Variants in FGFR4 observed in about 807,000 individuals in gnomAD.
The protein encoded by FGFR4 is fibroblast growth factor receptor 4.
In FGFR4, 63 loss-of-function variants were observed where a neutral mutation model predicts 89.9. The observed-to-expected ratio is 0.70, with a 90% CI of 0.57 to 0.86. The LOEUF is 0.86. Ranked by LOEUF, FGFR4 falls within the 40% of genes least tolerant of loss-of-function variation. The pLI is 0.00. For synonymous variants in FGFR4, 486 were observed against 479.4 expected (o/e 1.01, Z -0.18); for missense variants, 928 against 1,106.7 (o/e 0.84, Z 2.29).
At chr5:177,092,856 G>A (rs1159922788) in intron 8 of FGFR4, 72 bp downstream of exon 8, 1 of 1,609,606 alleles carries the variant, frequency 6.2e-7, no homozygotes, top group African/African-American at 1.3e-5. Flanking sequence ...GTGGCCTGTT[G>A]GGTGGTCAGT....
rs1357986060 is a variant in FGFR4 at position 177,090,576 on chromosome 5, C to G, written c.278C>G (p.Pro93Arg). The stretch of plus-strand genomic sequence containing the variant: ...CGCCTAGAGATTGCCAGCTTCCTAC[C>G]TGAGGATGCTGGCCGCTACCTCTGC... ...RGRLEIASFL[P>R]EDAGRYLCLA... The change falls in exon 3 of 18, where the codon CCT becomes CGT. Residue 93 changes from proline (P) to arginine (R), a missense_variant. Transcript: ENST00000292408. The G allele has an allele frequency of 6.6e-7, 1 of 1,524,924 alleles. No homozygotes were observed. Among genetic ancestry groups the G allele is most frequent in the Non-Finnish European group, 8.8e-7 (1 of 1,138,460 alleles). The allele number at this position is 1,524,924 out of a possible 1,614,324, so 94.5% of individuals were successfully genotyped here.
chr5:177,087,714 C>A lies in FGFR4; in HGVS notation c.-54+637C>A. On this transcript the variant is annotated intron_variant, in intron 1 of 17. Transcript: ENST00000292408. The surrounding 1 kb of genome is among the most constrained non-coding windows in gnomAD (Gnocchi z 6.1). Reference sequence around the variant, plus strand: ...CCAAAGAGCTGCCCTCCCTGCCAAGCCGAGCTTGGTAGGGAGTTTTACCAA... The same window carrying A: ...CCAAAGAGCTGCCCTCCCTGCCAAGACGAGCTTGGTAGGGAGTTTTACCAA... The A allele has an allele frequency of 1.1e-6, 1 of 909,758 alleles. No homozygotes were observed. The highest frequency in any genetic ancestry group is 1.3e-6 in the Non-Finnish European group (1 of 760,794). 56.4% of individuals were successfully genotyped at this position (909,758 alleles called of 1,614,324 possible).
chr5:177,092,286 G>C (rs393923), intron 6 of FGFR4, 35 bp from the exon 7 acceptor site: 1 of 1,506,204 alleles, frequency 6.6e-7, no homozygotes, highest in Non-Finnish European at 8.9e-7. Context: ...TATGGGTGCC[G>C]GTGGTCAGGG....
At chr5:177,097,183 C>T in intron 16 of FGFR4, 109 bp from the exon 17 acceptor site, 1 of 778,234 alleles carries the variant, frequency 1.3e-6, no homozygotes, top group Non-Finnish European at 2.1e-6. Context: ...ACCCTCCTAT[C>T]CCTCATCAAA....
rs753580027 is a variant in FGFR4 at position 177,095,398 on chromosome 5, C to G, written c.1588C>G (p.His530Asp). ...EMEVMKLIGRHKNIINLLGVC... is the reference protein window; with the variant it reads ...EMEVMKLIGRDKNIINLLGVC... ...GGAGGTGATGAAGCTGATCGGCCGA[C>G]ACAAGAACATCATCAACCTGCTTGG... Residue 530 changes from histidine (H) to aspartate (D), a missense_variant, in exon 12 of 18, where the codon CAC becomes GAC. This residue lies in a region of FGFR4 where 741 missense variants were observed against 836.9 expected (regional missense o/e 0.89). Coordinates refer to ENST00000292408, the MANE Select transcript of FGFR4 (RefSeq NM_213647.3). The surrounding 1 kb of genome is among the most constrained non-coding windows in gnomAD (Gnocchi z 5.7). The G allele has an allele frequency of 2.5e-6, 4 of 1,614,092 alleles. No individual in the cohort carries two copies. The Admixed American group carries it at 5.0e-5, about 20-fold the overall frequency.
Position 177,095,699 on chromosome 5 carries a change from C to T in FGFR4, c.1797C>T (p.Gly599=). The T allele has an allele frequency of 1.9e-6, 3 of 1,607,884 alleles. No homozygotes were observed. The highest frequency in any genetic ancestry group is 2.5e-6 in the Non-Finnish European group (3 of 1,178,484). The change falls in exon 13 of 18, where the codon GGC becomes GGT. Residue 599 remains glycine (G), a synonymous_variant. Coordinates refer to ENST00000292408, the MANE Select transcript of FGFR4 (RefSeq NM_213647.3). The surrounding 1 kb of genome is among the most constrained non-coding windows in gnomAD (Gnocchi z 5.7). ...CCTGCGCCTACCAGGTGGCCCGAGG[C>T]ATGCAGTATCTGGAGTCCCGGAAGG... The part of the protein sequence containing the change: ...LVSCAYQVAR[G]MQYLESRKCI...
At position 177,093,383 on chromosome 5, in the gene FGFR4, G is replaced by A. The variant is rs2149735662; in HGVS notation, c.1252-23G>A. 1 of 1,613,972 alleles carries A rather than the reference G, an allele frequency of 6.2e-7. No individual in the cohort carries two copies. Among genetic ancestry groups the A allele is most frequent in the Non-Finnish European group, 8.5e-7 (1 of 1,179,906 alleles). ...TGTGACAGCCTGACTCCAGCAGGCA[G>A]AACCAAGTCTCCCACTTTGCAGTTC... is the stretch of plus-strand genomic sequence containing the variant. On this transcript the variant is annotated intron_variant, in intron 9 of 17. Transcript: ENST00000292408. The surrounding 1 kb of genome is among the most constrained non-coding windows in gnomAD (Gnocchi z 5.8).
Position 177,091,117 on chromosome 5 carries a change from G to A in FGFR4, c.603+13G>A. ...TGGAGGCATTCGGGTGAGTCTCTGGGTTCCAAGACCGTCTGCTCCCCCATT... is the reference window on the plus strand; with the variant it reads ...TGGAGGCATTCGGGTGAGTCTCTGGATTCCAAGACCGTCTGCTCCCCCATT... On this transcript the variant is annotated intron_variant, in intron 5 of 17. Coordinates refer to ENST00000292408, the MANE Select transcript of FGFR4 (RefSeq NM_213647.3). 6.5e-7 allele frequency: 1 copy of A among 1,548,850 alleles called. No individual in the cohort carries two copies. Among genetic ancestry groups the A allele is most frequent in the South Asian group, 1.2e-5 (1 of 84,210 alleles).
Position 177,087,905 on chromosome 5 carries a change from A to G in FGFR4, c.-54+828A>G, listed in dbSNP as rs1784207803. Among the ~76,000 whole-genome samples, 1 of 152,136 alleles carries G rather than the reference A, an allele frequency of 6.6e-6. No homozygotes were observed. The highest frequency in any genetic ancestry group is 2.4e-5 in the African/African-American group (1 of 41,424). On this transcript the variant is annotated intron_variant, in intron 1 of 17. Transcript: ENST00000292408. The surrounding 1 kb of genome is among the most constrained non-coding windows in gnomAD (Gnocchi z 6.1). ...TCCTGAAGGGGCAGACGGTGTGACC[A>G]AAGAGATAGGCAGCGGCAGAGAGGG...
chr5:177,095,606 A>G lies in FGFR4; in HGVS notation c.1704A>G (p.Pro568=). 1 of 1,605,490 alleles carries G rather than the reference A, an allele frequency of 6.2e-7. No homozygotes were observed. The highest frequency in any genetic ancestry group is 8.5e-7 in the Non-Finnish European group (1 of 1,177,194). ...AGTTCCTGCGGGCCCGGCGCCCCCCAGGCCCCGACCTCAGCCCCGACGGTC... is the reference window on the plus strand; with the variant it reads ...AGTTCCTGCGGGCCCGGCGCCCCCCGGGCCCCGACCTCAGCCCCGACGGTC... ...LREFLRARRP[P]GPDLSPDGPR... is the part of the protein sequence containing the mutation. Residue 568 remains proline, a synonymous_variant, in exon 13 of 18, where the codon CCA becomes CCG. Coordinates refer to ENST00000292408, the MANE Select transcript of FGFR4 (RefSeq NM_213647.3). The surrounding 1 kb of genome is among the most constrained non-coding windows in gnomAD (Gnocchi z 5.7).
chr5:177,090,621 T>G lies in FGFR4; in HGVS notation c.323T>G (p.Ile108Ser). The G allele has an allele frequency of 6.6e-7, 1 of 1,522,464 alleles. No individual in the cohort carries two copies. Among genetic ancestry groups the G allele is most frequent in the South Asian group, 1.3e-5 (1 of 75,488 alleles). 94.3% of individuals were successfully genotyped at this position (1,522,464 alleles called of 1,614,324 possible). ...CTCTGCCTGGCACGAGGCTCCATGATCGTCCTGCAGAATCTCACCTTGATT... is the reference window on the plus strand; with the variant it reads ...CTCTGCCTGGCACGAGGCTCCATGAGCGTCCTGCAGAATCTCACCTTGATT... ...RYLCLARGSM[I>S]VLQNLTLITG... The change falls in exon 3 of 18, where the codon ATC becomes AGC. Residue 108 changes from isoleucine (I) to serine (S), a missense_variant. Physicochemically the swap from Ile to Ser is moderately radical, Grantham distance 142. Transcript: ENST00000292408.
At chr5:177,090,863 C>A in intron 4 of FGFR4, 38 bp downstream of exon 4, 1 of 1,613,976 alleles carries the variant, frequency 6.2e-7, no homozygotes, top group Non-Finnish European at 8.5e-7. Flanking sequence ...CCCGCTGCTG[C>A]TCATCTGATC....
At position 177,097,334 on chromosome 5, in the gene FGFR4, G is replaced by C. The variant is rs1784641272; in HGVS notation, c.2196G>C (p.Gln732His). The change falls in exon 17 of 18, where the codon CAG (glutamine) becomes CAC (histidine). Residue 732 changes from glutamine to histidine, a missense_variant. By Grantham distance (24) the Gln-to-His change is conservative. Coordinates refer to ENST00000292408, the MANE Select transcript of FGFR4 (RefSeq NM_213647.3). Reference protein sequence around the residue: ...MRECWHAAPSQRPTFKQLVEA... With the variant: ...MRECWHAAPSHRPTFKQLVEA... ...AGTGCTGGCACGCAGCGCCCTCCCA[G>C]AGGCCTACCTTCAAGCAGCTGGTGG... 1 of 1,611,574 alleles carries C rather than the reference G, an allele frequency of 6.2e-7. No individual in the cohort carries two copies. Among genetic ancestry groups the C allele is most frequent in the Non-Finnish European group, 8.5e-7 (1 of 1,179,286 alleles).
chr5:177,092,777 G>A lies in FGFR4; in HGVS notation c.1050G>A (p.Val350=), dbSNP rs1211049499. The change falls in exon 8 of 18, where the codon GTG becomes GTA. Residue 350 remains valine, a synonymous_variant. Transcript: ENST00000292408. ...CCTACCAGTCTGCCTGGCTCACGGT[G>A]CTGCCAGGTGAGCACCTGAAGGGCC... ...GLSYQSAWLT[V]LPEEDPTWTA... is the part of the protein sequence containing the mutation. 6 of 1,614,238 alleles carry A rather than the reference G, an allele frequency of 3.7e-6. No homozygotes were observed. The highest frequency in any genetic ancestry group is 4.2e-6 in the Non-Finnish European group (5 of 1,180,056).
chr5:177,093,196 G>T lies in FGFR4; in HGVS notation c.1116G>T (p.Leu372=). ...APEARYTDII[L]YASGSLALAV... ...AGGCCAGGTATACGGACATCATCCTGTACGCGTCGGGCTCCCTGGCCTTGG... is the reference window on the plus strand; with the variant it reads ...AGGCCAGGTATACGGACATCATCCTTTACGCGTCGGGCTCCCTGGCCTTGG... The change falls in exon 9 of 18, where the codon CTG becomes CTT. Residue 372 remains leucine (L), a synonymous_variant. Transcript: ENST00000292408. This position sits in a 1 kb window ranked among gnomAD's most constrained non-coding sequence, Gnocchi z 5.8. 4 of 1,613,242 alleles carry T rather than the reference G, an allele frequency of 2.5e-6. No individual in the cohort carries two copies. Among genetic ancestry groups the T allele is most frequent in the Non-Finnish European group, 3.4e-6 (4 of 1,179,310 alleles).
intron 8 of FGFR4, 132 bp downstream of exon 8, chr5:177,092,916 G>A: frequency 6.8e-7 from 1 of 1,465,014 alleles, no homozygotes; most frequent in Non-Finnish European, 9.4e-7. Flanking sequence ...TGGATTTGTG[G>A]GTTTGAGCTG....
Position 177,087,510 on chromosome 5 carries a change from T to C in FGFR4, c.-54+433T>C, listed in dbSNP as rs1784192835. Reference sequence around the variant, plus strand: ...GGCCTCCAGCGCGAGTGCGGGAGGCTGAAGGAGAACCCAGGACTGTCTGAT... The same window carrying C: ...GGCCTCCAGCGCGAGTGCGGGAGGCCGAAGGAGAACCCAGGACTGTCTGAT... On this transcript the variant is annotated intron_variant, in intron 1 of 17. Coordinates refer to ENST00000292408, the MANE Select transcript of FGFR4 (RefSeq NM_213647.3). The surrounding 1 kb of genome is among the most constrained non-coding windows in gnomAD (Gnocchi z 6.1). 6 of 927,838 alleles carry C rather than the reference T, an allele frequency of 6.5e-6. No individual in the cohort carries two copies. In the South Asian group the frequency reaches 2.5e-4, roughly 39 times the overall value. The allele number at this position is 927,838 out of a possible 1,614,324, so 57.5% of individuals were successfully genotyped here. A position where few individuals can be genotyped will look rare whatever the true frequency, so the allele number is the denominator to read the frequency against.
At chr5:177,090,071 C>A in intron 2 of FGFR4, 1 of 668,946 alleles carries the variant, frequency 1.5e-6, no homozygotes, top group Non-Finnish European at 2.7e-6. Context: ...CAGCATGACC[C>A]TGTATGTGGC....
In FGFR4 at chr5:177,086,996, G is replaced by C. The variant is rs1303396251; in HGVS notation, c.-135G>C. ...AGGGGTCGCGGCCGGCTGGAGCTGG[G>C]AGTGAGGCGGCGGAGGAGCCAGGTG... On this transcript the variant is annotated 5_prime_UTR_variant, in exon 1 of 18. Transcript: ENST00000292408. 6.5e-6 allele frequency: 1 copy of C among 153,114 alleles called. No individual in the cohort carries two copies. Among genetic ancestry groups the C allele is most frequent in the African/African-American group, 2.4e-5 (1 of 41,432 alleles). The allele number at this position is 153,114 out of a possible 1,614,324, so 9.5% of individuals were successfully genotyped here.
Sources: allele counts gnomAD v4.1 joint callset (sites outside exome capture counted in the v4.1 genomes callset), GRCh38; gene constraint gnomAD v4.1.1; regional missense constraint gnomAD v4.1.1; non-coding constraint Gnocchi (gnomAD v3.1); transcripts MANE v1.5; gene names NCBI Gene and HGNC (gene_info 2026-07-23, HGNC 2026-07-21).